LRRTM4: variants seen among roughly 807,000 people sequenced by gnomAD.
LRRTM4 encodes the protein leucine rich repeat transmembrane neuronal 4.
LRRTM4 carries 25 observed loss-of-function variants against 47.6 expected under a neutral mutation model. The ratio of observed to expected loss-of-function variants is 0.53; its 90% CI spans 0.38 to 0.73. LRRTM4 has a LOEUF of 0.73. Among genes scored for constraint, LRRTM4 ranks in the 30% least tolerant of loss-of-function variants. The probability of loss-of-function intolerance (pLI) is 0.00; values close to 1 mark genes in which losing one functional copy is unlikely to be tolerated. For synonymous variants in LRRTM4, 311 were observed against 269.5 expected, an observed-to-expected ratio of 1.15 and a Z score of -1.51; for missense variants, 638 against 713.4, an observed-to-expected ratio of 0.89 and a Z score of 1.20.
rs190515928 is a variant in LRRTM4, at chr2:77,054,520, G to A, written c.1552-305604C>T. Among the ~76,000 whole-genome samples the A allele has an allele frequency of 3.0e-3, 459 of 152,252 alleles. 6 individuals carry two copies. The highest frequency in any genetic ancestry group is 0.02 in the Middle Eastern group (6 of 294). ...AAAGCTATTTAATTAAATAAGTAAC[G>A]GAAATACTGTGCAGGGTAAATGGAG... On this transcript the variant is annotated intron_variant, in intron 3 of 3. Coordinates refer to ENST00000409884, the MANE Select transcript of LRRTM4 (RefSeq NM_001134745.3).
intron 3 of LRRTM4, among the ~76,000 whole-genome samples, chr2:77,004,514 TG>T (rs1677560974): frequency 6.6e-6 from 1 of 152,164 alleles, no homozygotes; most frequent in South Asian, 2.1e-4. Context: ...TGAAAACACC[TG>T]GATGTTCAGG....
At chr2:77,007,729 C>T (rs763530760) in intron 3 of LRRTM4, among the ~76,000 whole-genome samples, 8 of 151,988 alleles carry the variant, frequency 5.3e-5, no homozygotes, top group Admixed American at 3.3e-4. Context: ...TGCAATGGTT[C>T]GGTGGAAAAG....
Position 77,518,631 on chromosome 2 carries a change from G to A in LRRTM4, c.1238C>T (p.Ala413Val). 1 of 1,613,376 alleles carries A rather than the reference G, an allele frequency of 6.2e-7. No individual in the cohort carries two copies. The highest frequency in any genetic ancestry group is 8.5e-7 in the Non-Finnish European group (1 of 1,179,624). Reference sequence around the variant, plus strand: ...TGAAACATGCTCATACTCTTGCTCTGCGCCAGGAATCTGAAACCCTGGGGA... The same window carrying A: ...TGAAACATGCTCATACTCTTGCTCTACGCCAGGAATCTGAAACCCTGGGGA... The part of the protein sequence containing the change: ...SPSPGFQIPG[A>V]EQEYEHVSFH... Residue 413 changes from alanine (A) to valine (V), a missense_variant, in exon 3 of 4, where the codon GCA becomes GTA. By Grantham distance (64) the Ala-to-Val change is moderately conservative. Coordinates refer to ENST00000409884, the MANE Select transcript of LRRTM4 (RefSeq NM_001134745.3).
At chr2:76,809,319 A>G (rs543363320) in intron 3 of LRRTM4, among the ~76,000 whole-genome samples, 47 of 152,264 alleles carry the variant, frequency 3.1e-4, no homozygotes, top group African/African-American at 1.1e-3. Flanking sequence ...GTATTTTTCT[A>G]AGTGTGGACT....
At chr2:76,877,517 T>G (rs1395130238) in intron 3 of LRRTM4, among the ~76,000 whole-genome samples, 1 of 152,176 alleles carries the variant, frequency 6.6e-6, no homozygotes, top group African/African-American at 2.4e-5. Context: ...ATTGGAATTT[T>G]AAATCAAGGT....
intron 3 of LRRTM4, among the ~76,000 whole-genome samples, chr2:77,093,786 A>C (rs1393814057): frequency 1.3e-5 from 2 of 151,848 alleles, no homozygotes; most frequent in African/African-American, 4.9e-5. Flanking sequence ...GCCCCGCCTT[A>C]ACTGATGACA....
chr2:77,247,257 G>A (rs2104004530), intron 3 of LRRTM4, among the ~76,000 whole-genome samples: 1 of 152,132 alleles, frequency 6.6e-6, no homozygotes, highest in Admixed American at 6.5e-5. Context: ...AACTATACAA[G>A]GAAAGCAAAA....
intron 3 of LRRTM4, among the ~76,000 whole-genome samples, chr2:76,867,631 A>T (rs1672503724): frequency 6.6e-6 from 1 of 152,176 alleles, no homozygotes; most frequent in Non-Finnish European, 1.5e-5. Context: ...TGCTACAGTG[A>T]TCCTAAATCC....
At chr2:76,933,550 C>A (rs1437130310) in intron 3 of LRRTM4, among the ~76,000 whole-genome samples, 1 of 151,912 alleles carries the variant, frequency 6.6e-6, no homozygotes, top group Non-Finnish European at 1.5e-5. Context: ...CTAAAGTTAT[C>A]CTCAGGTATT....
At chr2:77,171,846 A>C (rs966429222) in intron 3 of LRRTM4, among the ~76,000 whole-genome samples, 1 of 152,122 alleles carries the variant, frequency 6.6e-6, no homozygotes, top group Non-Finnish European at 1.5e-5. Context: ...TCAGCAAAAC[A>C]AAGGCCACTC....
chr2:76,989,497 G>T (rs555852720), intron 3 of LRRTM4, among the ~76,000 whole-genome samples: 2 of 151,944 alleles, frequency 1.3e-5, no homozygotes, highest in African/African-American at 2.4e-5. Flanking sequence ...TACCAAAAAG[G>T]ATACTTTTGT....
chr2:77,339,353 T>C (rs12991755), intron 3 of LRRTM4, among the ~76,000 whole-genome samples: 52,159 of 152,014 alleles, frequency 0.34, 11,267 homozygotes, highest in Non-Finnish European at 0.48. Context: ...TTAAATATAA[T>C]TTATAGGCAA....
At chr2:77,190,808 G>GA (rs1002894982) in intron 3 of LRRTM4, among the ~76,000 whole-genome samples, 8 of 152,112 alleles carry the variant, frequency 5.3e-5, no homozygotes, top group African/African-American at 1.9e-4. Context: ...TGAAGTTATG[G>GA]AAAAAATAAT....
intron 3 of LRRTM4, among the ~76,000 whole-genome samples, chr2:76,925,282 G>A (rs552122889): frequency 6.6e-5 from 10 of 152,192 alleles, no homozygotes; most frequent in Non-Finnish European, 1.0e-4. Flanking sequence ...CCCAGGGAGC[G>A]GGTTGGCTTC....
intron 3 of LRRTM4, among the ~76,000 whole-genome samples, chr2:76,994,176 G>C (rs1333087397): frequency 6.6e-6 from 1 of 151,792 alleles, no homozygotes; most frequent in Non-Finnish European, 1.5e-5. Flanking sequence ...TTCACTGCTT[G>C]AGTGACAGGA....
At chr2:77,328,466 T>C (rs559010528) in intron 3 of LRRTM4, among the ~76,000 whole-genome samples, 9 of 152,166 alleles carry the variant, frequency 5.9e-5, no homozygotes, top group Non-Finnish European at 1.2e-4. Context: ...CCCCCTCCCT[T>C]CCTTCTTTCT....
chr2:76,912,330 C>A (rs1054589979), intron 3 of LRRTM4, among the ~76,000 whole-genome samples: 1 of 152,080 alleles, frequency 6.6e-6, no homozygotes, highest in Admixed American at 6.5e-5. Flanking sequence ...AAATGTAGTC[C>A]TGTAAAAATG....
In LRRTM4 at chr2:76,748,471, T is replaced by A; in HGVS notation, c.*224A>T. The A allele has an allele frequency of 1.8e-6, 1 of 565,976 alleles. No homozygotes were observed. Among genetic ancestry groups the A allele is most frequent in the Non-Finnish European group, 3.1e-6 (1 of 318,686 alleles). 35.1% of individuals were successfully genotyped at this position (565,976 alleles called of 1,614,324 possible). ...GGGAGCATTTTTGTTTGTTTTATGTTTTAAAGCAAAGAAAGTTCTGCAGTC... is the reference window on the plus strand; with the variant it reads ...GGGAGCATTTTTGTTTGTTTTATGTATTAAAGCAAAGAAAGTTCTGCAGTC... On this transcript the variant is annotated 3_prime_UTR_variant, in exon 4 of 4. Coordinates refer to ENST00000409884, the MANE Select transcript of LRRTM4 (RefSeq NM_001134745.3).
intron 3 of LRRTM4, among the ~76,000 whole-genome samples, chr2:77,095,516 T>G (rs909606201): frequency 1.9e-4 from 29 of 151,494 alleles, no homozygotes; most frequent in African/African-American, 7.0e-4. Flanking sequence ...AACTTTTTTT[T>G]TTTTTTTTAG....
Sources: gnomAD v4.1 joint callset for allele counts (sites outside exome capture counted in the v4.1 genomes callset) on GRCh38, gnomAD v4.1.1 for gene constraint, MANE v1.5 for transcripts, NCBI Gene and HGNC (gene_info 2026-07-23, HGNC 2026-07-21) for gene names.